Variants in GRM7 observed in about 807,000 individuals in gnomAD.
The protein encoded by GRM7 is metabotropic glutamate receptor 7.
In GRM7, 35 loss-of-function variants were observed where a neutral mutation model predicts 84.5. That is an observed-to-expected ratio of 0.41 (90% CI 0.32 to 0.55). The LOEUF is 0.55. GRM7 is among the 20% of genes least tolerant of loss of function. GRM7 has a pLI of 0.19. For missense variants in GRM7, 1,003 were observed against 1,194.6 expected, an observed-to-expected ratio of 0.84 and a Z score of 2.36; for synonymous variants, 487 against 455.1, an observed-to-expected ratio of 1.07 and a Z score of -0.89.
intron 2 of GRM7, among the ~76,000 whole-genome samples, chr3:7,255,737 A>T (rs1302810493): frequency 6.6e-6 from 1 of 152,186 alleles, no homozygotes; most frequent in Non-Finnish European, 1.5e-5. Context: ...TGTTGATGAG[A>T]ACTGAATAAT....
intron 1 of GRM7, among the ~76,000 whole-genome samples, chr3:6,922,461 T>A (rs1697160075): frequency 6.6e-6 from 1 of 152,220 alleles, no homozygotes; most frequent in African/African-American, 2.4e-5. Flanking sequence ...TTTCCCTAAG[T>A]CCTATGCATG....
Position 7,306,548 on chromosome 3 carries a change from G to C in GRM7, c.929G>C (p.Trp310Ser). ...KRADQVGHFL[W>S]VGSDSWGSKI... Reference sequence around the variant, plus strand: ...GCTGACCAAGTTGGCCATTTTCTTTGGGTGGGATCAGACAGCTGGGGATCC... The same window carrying C: ...GCTGACCAAGTTGGCCATTTTCTTTCGGTGGGATCAGACAGCTGGGGATCC... Residue 310 changes from tryptophan to serine, a missense_variant, in exon 4 of 10, where the codon TGG becomes TCG. Trp to Ser is a radical substitution (Grantham distance 177). Coordinates refer to ENST00000357716, the MANE Select transcript of GRM7 (RefSeq NM_000844.4). The C allele has an allele frequency of 6.2e-7, 1 of 1,613,842 alleles. No individual in the cohort carries two copies. The highest frequency in any genetic ancestry group is 8.5e-7 in the Non-Finnish European group (1 of 1,179,822).
intron 5 of GRM7, among the ~76,000 whole-genome samples, chr3:7,442,913 T>TG (rs1697351271): frequency 6.6e-6 from 1 of 152,136 alleles, no homozygotes; most frequent in Admixed American, 6.6e-5. Flanking sequence ...GTCTGGTACA[T>TG]GGTAGATATC....
At chr3:7,038,917 G>C (rs1225281493) in intron 1 of GRM7, among the ~76,000 whole-genome samples, 1 of 152,036 alleles carries the variant, frequency 6.6e-6, no homozygotes, top group African/African-American at 2.4e-5. Context: ...TTCTCAGAGT[G>C]GGGTCATCAG....
intron 7 of GRM7, among the ~76,000 whole-genome samples, chr3:7,464,559 A>G (rs796723200): frequency 6.6e-6 from 1 of 151,996 alleles, no homozygotes; most frequent in African/African-American, 2.4e-5. Flanking sequence ...AGCCAGGTGC[A>G]GTGGCTCATG....
At chr3:7,172,918 T>A (rs1428891496) in intron 2 of GRM7, among the ~76,000 whole-genome samples, 4 of 152,224 alleles carry the variant, frequency 2.6e-5, no homozygotes, top group Non-Finnish European at 2.9e-5. Flanking sequence ...TATACATATC[T>A]ATGCTATTAT....
chr3:7,112,936 T>C (rs569161054), intron 1 of GRM7, among the ~76,000 whole-genome samples: 1 of 152,198 alleles, frequency 6.6e-6, no homozygotes, highest in South Asian at 2.1e-4. Context: ...TGTGACTCCA[T>C]AGAGAAAGAA....
chr3:7,418,322 A>G (rs2125185705), intron 5 of GRM7, among the ~76,000 whole-genome samples: 1 of 152,214 alleles, frequency 6.6e-6, no homozygotes, highest in Non-Finnish European at 1.5e-5. Context: ...TGCTCATGGG[A>G]TATATTGGGT....
At chr3:7,467,048 G>A (rs1318754512) in intron 7 of GRM7, among the ~76,000 whole-genome samples, 1 of 152,136 alleles carries the variant, frequency 6.6e-6, no homozygotes, top group African/African-American at 2.4e-5. Context: ...GTTATCTGCA[G>A]CCATTAGTCC....
chr3:7,214,215 T>C (rs1696526557), intron 2 of GRM7, among the ~76,000 whole-genome samples: 1 of 151,618 alleles, frequency 6.6e-6, no homozygotes, highest in Admixed American at 6.6e-5. Flanking sequence ...TACGATGCAA[T>C]ATAATGAATG....
chr3:6,864,667 C>T (rs1694881465), intron 1 of GRM7, among the ~76,000 whole-genome samples: 3 of 152,048 alleles, frequency 2.0e-5, no homozygotes, highest in South Asian at 2.1e-4. Context: ...CATGCCAAAC[C>T]GATCACTTGA....
chr3:7,570,759 CTGTT>C (rs1470344618), intron 7 of GRM7, among the ~76,000 whole-genome samples: 1 of 152,214 alleles, frequency 6.6e-6, no homozygotes, highest in Admixed American at 6.5e-5. Context: ...AGTAGGGACT[CTGTT>C]TGGGGGCTCT....
intron 4 of GRM7, among the ~76,000 whole-genome samples, chr3:7,378,063 G>A (rs999095844): frequency 3.0e-4 from 45 of 152,142 alleles, no homozygotes; most frequent in African/African-American, 9.9e-4. Context: ...TATTGGAGCT[G>A]ACTCTAATCT....
intron 5 of GRM7, 73 bp downstream of exon 5, chr3:7,415,236 A>C (rs1696113330): frequency 7.9e-7 from 1 of 1,265,484 alleles, no homozygotes. Flanking sequence ...TAGCTGACAG[A>C]AGGAAGCTTG....
intron 8 of GRM7, chr3:7,636,356 A>G (rs886991499): frequency 3.3e-5 from 15 of 453,314 alleles, no homozygotes; most frequent in Admixed American, 2.8e-4. Flanking sequence ...CCTCTGTCCT[A>G]TTTATTTTCC....
intron 2 of GRM7, among the ~76,000 whole-genome samples, chr3:7,256,446 A>T (rs557243164): frequency 1.4e-4 from 21 of 152,178 alleles, no homozygotes; most frequent in African/African-American, 5.1e-4. Flanking sequence ...GCAGCCCACA[A>T]TTTTATCACT....
At chr3:7,064,479 TACACACATATACATATATATATACAC>T (rs1697564701) in intron 1 of GRM7, among the ~76,000 whole-genome samples, 26 of 99,336 alleles carry the variant, frequency 2.6e-4, no homozygotes, top group South Asian at 6.8e-4. Flanking sequence ...TATATATATA[TACACACATATACATATATATATACAC>T]ATATATATAT....
At chr3:7,106,245 G>A (rs1275175770) in intron 1 of GRM7, among the ~76,000 whole-genome samples, 1 of 150,036 alleles carries the variant, frequency 6.7e-6, no homozygotes, top group African/African-American at 2.5e-5. Flanking sequence ...AAAAGGTCAG[G>A]AACAACTTCA....
intron 2 of GRM7, among the ~76,000 whole-genome samples, chr3:7,297,641 A>G (rs1699857124): frequency 6.6e-6 from 1 of 152,018 alleles, no homozygotes; most frequent in African/African-American, 2.4e-5. Context: ...ATATTTGTCT[A>G]TGTTTGTGGA....
Sources: allele counts gnomAD v4.1 joint callset (sites outside exome capture counted in the v4.1 genomes callset), GRCh38; gene constraint gnomAD v4.1.1; transcripts MANE v1.5; gene names NCBI Gene and HGNC (gene_info 2026-07-23, HGNC 2026-07-21).